COX19: variants seen among roughly 807,000 people sequenced by gnomAD.
COX19 encodes the protein cytochrome c oxidase assembly factor COX19, also known as cytochrome c oxidase assembly protein COX19.
Under a neutral mutation model 6.8 loss-of-function variants are expected in COX19, and 8 were observed. The observed-to-expected ratio is 1.18, with a 90% CI of 0.69 to 2.12. COX19 has a LOEUF of 2.12. Among genes scored for constraint, COX19 ranks in the 30% most tolerant of loss-of-function variants. COX19 has a pLI of 0.00. For synonymous variants in COX19, 51 were observed against 38.0 expected (o/e 1.34, Z -1.26); for missense variants, 131 against 104.6 (o/e 1.25, Z -1.10).
intron 2 of COX19, among the ~76,000 whole-genome samples, chr7:971,140 C>T (rs544515717): frequency 6.6e-6 from 1 of 152,342 alleles, no homozygotes; most frequent in African/African-American, 2.4e-5. Flanking sequence ...GGTGAGGCTG[C>T]TCCACCAGCG....
At chr7:975,305 C>A (rs1053416422) in intron 1 of COX19, 123 bp downstream of exon 1, 1 of 711,606 alleles carries the variant, frequency 1.4e-6, no homozygotes, top group Non-Finnish European at 2.2e-6. Context: ...GAGGGGCGGG[C>A]CGCCGTGCCT....
At position 969,179 on chromosome 7, in the gene COX19, G is replaced by T. The variant is rs951187512; in HGVS notation, c.*199C>A. On this transcript the variant is annotated 3_prime_UTR_variant, in exon 3 of 3. Transcript: ENST00000344111. ...GCCGGGAACGCCGTCCCACTCAGGG[G>T]TTCAATGCAGAAACACCCTCCTAAG... 1.0e-5 allele frequency: 6 copies of T among 579,872 alleles called. No individual in the cohort carries two copies. The highest frequency in any genetic ancestry group is 2.9e-5 in the Admixed American group (1 of 34,064). 35.9% of individuals were successfully genotyped at this position (579,872 alleles called of 1,614,324 possible). A position where few individuals can be genotyped will look rare whatever the true frequency, so the allele number is the denominator to read the frequency against.
At position 969,241 on chromosome 7, in the gene COX19, C is replaced by G. The variant is rs1293094980; in HGVS notation, c.*137G>C. On this transcript the variant is annotated 3_prime_UTR_variant, in exon 3 of 3. Coordinates refer to ENST00000344111, the MANE Select transcript of COX19 (RefSeq NM_001031617.3). ...CGCCACTCCCTACCCAGGAGACGCCCCCACAGGGCTGGAGCTTCTATTCGA... is the reference window on the plus strand; with the variant it reads ...CGCCACTCCCTACCCAGGAGACGCCGCCACAGGGCTGGAGCTTCTATTCGA... The G allele has an allele frequency of 4.5e-6, 3 of 671,070 alleles. No homozygotes were observed. The Admixed American group carries it at 7.1e-5, about 16-fold the overall frequency. The allele number at this position is 671,070 out of a possible 1,614,324, so 41.6% of individuals were successfully genotyped here. A position where few individuals can be genotyped will look rare whatever the true frequency, so the allele number is the denominator to read the frequency against.
At chr7:974,608 A>T (rs537558210) in intron 1 of COX19, among the ~76,000 whole-genome samples, 1 of 152,270 alleles carries the variant, frequency 6.6e-6, no homozygotes, top group African/African-American at 2.4e-5. Context: ...AAAATGTCAC[A>T]ATAAAATGTT....
rs187572636 is a variant in COX19, at chr7:966,186, G to A, written c.*3192C>T. 5 of 147,754 alleles carry A rather than the reference G, an allele frequency of 3.4e-5. No individual in the cohort carries two copies. Among genetic ancestry groups the A allele is most frequent in the East Asian group, 2.0e-4 (1 of 4,996 alleles). 9.2% of individuals were successfully genotyped at this position (147,754 alleles called of 1,614,324 possible). A position where few individuals can be genotyped will look rare whatever the true frequency, so the allele number is the denominator to read the frequency against. ...TTTTTCCTTTGGTGAGACAGGGTCC[G>A]GCTCTGTTGCTCAGGCTGGAGAGCA... is the stretch of plus-strand genomic sequence containing the variant. On this transcript the variant is annotated 3_prime_UTR_variant, in exon 3 of 3. Transcript: ENST00000344111.
In COX19 at chr7:967,161, TTC is replaced by T. The variant is rs1197909105; in HGVS notation, c.*2215_*2216del. On this transcript the variant is annotated 3_prime_UTR_variant, in exon 3 of 3. Coordinates refer to ENST00000344111, the MANE Select transcript of COX19 (RefSeq NM_001031617.3). ...ACATTTTGAAGAGGGAAGCACGAAG[TTC>T]TGTCAGTTTTGCTGTCACATCTCAG... 2.0e-5 allele frequency: 3 copies of T among 152,182 alleles called. No homozygotes were observed. The highest frequency in any genetic ancestry group is 2.9e-5 in the Non-Finnish European group (2 of 68,044). 9.4% of individuals were successfully genotyped at this position (152,182 alleles called of 1,614,324 possible).
intron 1 of COX19, among the ~76,000 whole-genome samples, chr7:974,316 A>G (rs1043131059): frequency 4.6e-5 from 7 of 151,348 alleles, no homozygotes; most frequent in African/African-American, 1.7e-4. Flanking sequence ...CAGCTACTCT[A>G]GAGGATGAGA....
At chr7:970,866 C>T (rs935584801) in intron 2 of COX19, among the ~76,000 whole-genome samples, 1 of 152,166 alleles carries the variant, frequency 6.6e-6, no homozygotes, top group African/African-American at 2.4e-5. Context: ...TGTGAGCCAC[C>T]ACTTCTTGCC....
rs972564217 is a variant in COX19, at chr7:968,011, C to A, written c.*1367G>T. 1 of 152,258 alleles carries A rather than the reference C, an allele frequency of 6.6e-6. No individual in the cohort carries two copies. The highest frequency in any genetic ancestry group is 2.4e-5 in the African/African-American group (1 of 41,472). 9.4% of individuals were successfully genotyped at this position (152,258 alleles called of 1,614,324 possible). On this transcript the variant is annotated 3_prime_UTR_variant, in exon 3 of 3. Transcript: ENST00000344111. Reference sequence around the variant, plus strand: ...TATTCTAATAAGAAACAAGACTTTCCATCAACTAGCGGTGATATGTTAATA... The same window carrying A: ...TATTCTAATAAGAAACAAGACTTTCAATCAACTAGCGGTGATATGTTAATA...
chr7:975,530 C>A lies in COX19; in HGVS notation c.-21G>T. On this transcript the variant is annotated 5_prime_UTR_variant, in exon 1 of 3. Coordinates refer to ENST00000344111, the MANE Select transcript of COX19 (RefSeq NM_001031617.3). Reference sequence around the variant, plus strand: ...GACATGTTGGCGACTCCGGAGTCTGCGAGCGCCTTGCGAGCGTACGCAGGG... The same window carrying A: ...GACATGTTGGCGACTCCGGAGTCTGAGAGCGCCTTGCGAGCGTACGCAGGG... 6.3e-7 allele frequency: 1 copy of A among 1,592,040 alleles called. No individual in the cohort carries two copies. Among genetic ancestry groups the A allele is most frequent in the Non-Finnish European group, 8.5e-7 (1 of 1,169,826 alleles).
rs1479177385 is a variant in COX19, at chr7:973,282, T to C, written c.93A>G (p.Lys31=). ...SFPLDHLGEC[K]SFKEKFMKCL... is the part of the protein sequence containing the mutation. ...ACTTCATGAATTTCTCTTTAAAGCT[T>C]TTACATTCACCTAGAACGAGAAAGA... is the stretch of plus-strand genomic sequence containing the variant. Residue 31 remains lysine (K), a synonymous_variant, in exon 2 of 3, where the codon AAA becomes AAG. Transcript: ENST00000344111. 9 of 1,592,872 alleles carry C rather than the reference T, an allele frequency of 5.7e-6. No homozygotes were observed. Among genetic ancestry groups the C allele is most frequent in the Non-Finnish European group, 7.7e-6 (9 of 1,171,558 alleles).
rs1847534483 is a variant in COX19 at position 965,268 on chromosome 7, G to C, written c.*4110C>G. Among the ~76,000 whole-genome samples, 1 of 152,018 alleles carries C rather than the reference G, an allele frequency of 6.6e-6. No individual in the cohort carries two copies. Among genetic ancestry groups the C allele is most frequent in the Non-Finnish European group, 1.5e-5 (1 of 68,002 alleles). On this transcript the variant is annotated 3_prime_UTR_variant, in exon 3 of 3. Transcript: ENST00000344111. ...TTTTCCTCATTTCAAAATAATTTCA[G>C]ACTTCCAAAAAGTTCCAAAAATAGG...
At position 969,293 on chromosome 7, in the gene COX19, A is replaced by G. The variant is rs1583202447; in HGVS notation, c.*85T>C. 1 of 843,618 alleles carries G rather than the reference A, an allele frequency of 1.2e-6. No individual in the cohort carries two copies. Among genetic ancestry groups the G allele is most frequent in the East Asian group, 2.4e-5 (1 of 41,320 alleles). 52.3% of individuals were successfully genotyped at this position (843,618 alleles called of 1,614,324 possible). Reference sequence around the variant, plus strand: ...GCCCATTTCTAAGGACACCACACGCAGGCCTCAGCCAACCTAAGAGGCAGG... The same window carrying G: ...GCCCATTTCTAAGGACACCACACGCGGGCCTCAGCCAACCTAAGAGGCAGG... On this transcript the variant is annotated 3_prime_UTR_variant, in exon 3 of 3. Transcript: ENST00000344111.
chr7:970,736 G>A (rs551518868), intron 2 of COX19, among the ~76,000 whole-genome samples: 4 of 152,072 alleles, frequency 2.6e-5, no homozygotes, highest in Non-Finnish European at 5.9e-5. Context: ...CACCCAGCCA[G>A]CTAATTTTTA....
chr7:971,082 C>T (rs1330262061), intron 2 of COX19, among the ~76,000 whole-genome samples: 1 of 152,176 alleles, frequency 6.6e-6, no homozygotes, highest in African/African-American at 2.4e-5. Context: ...CCAGGAGGCC[C>T]AGCCATCATC....
In COX19 at chr7:965,475, G is replaced by C. The variant is rs1486399689; in HGVS notation, c.*3903C>G. Among the ~76,000 whole-genome samples the C allele has an allele frequency of 6.6e-6, 1 of 152,222 alleles. No homozygotes were observed. Among genetic ancestry groups the C allele is most frequent in the Non-Finnish European group, 1.5e-5 (1 of 68,040 alleles). ...TACCGTGCCCTCAGGGACGCCCCCA[G>C]GTCGGTGCGGCCTGTGCGGCTCGCT... On this transcript the variant is annotated 3_prime_UTR_variant, in exon 3 of 3. Transcript: ENST00000344111.
chr7:967,160 G>A lies in COX19; in HGVS notation c.*2218C>T, dbSNP rs1343370045. The A allele has an allele frequency of 1.3e-5, 2 of 152,200 alleles. No homozygotes were observed. The highest frequency in any genetic ancestry group is 4.8e-5 in the African/African-American group (2 of 41,438). 9.4% of individuals were successfully genotyped at this position (152,200 alleles called of 1,614,324 possible). A position where few individuals can be genotyped will look rare whatever the true frequency, so the allele number is the denominator to read the frequency against. Reference sequence around the variant, plus strand: ...GACATTTTGAAGAGGGAAGCACGAAGTTCTGTCAGTTTTGCTGTCACATCT... The same window carrying A: ...GACATTTTGAAGAGGGAAGCACGAAATTCTGTCAGTTTTGCTGTCACATCT... On this transcript the variant is annotated 3_prime_UTR_variant, in exon 3 of 3. Coordinates refer to ENST00000344111, the MANE Select transcript of COX19 (RefSeq NM_001031617.3).
chr7:967,813 TCCA>T lies in COX19; in HGVS notation c.*1562_*1564del, dbSNP rs1847580467. The T allele has an allele frequency of 6.6e-6, 1 of 152,308 alleles. No homozygotes were observed. The highest frequency in any genetic ancestry group is 1.5e-5 in the Non-Finnish European group (1 of 68,072). 9.4% of individuals were successfully genotyped at this position (152,308 alleles called of 1,614,324 possible). ...GTAGTTTCCTGTGTCCCTGCCTGTC[TCCA>T]CTTCACAGTAAGCTCACGCCATATA... On this transcript the variant is annotated 3_prime_UTR_variant, in exon 3 of 3. Coordinates refer to ENST00000344111, the MANE Select transcript of COX19 (RefSeq NM_001031617.3).
At chr7:971,924 T>C (rs551334317) in intron 2 of COX19, among the ~76,000 whole-genome samples, 10 of 152,272 alleles carry the variant, frequency 6.6e-5, no homozygotes, top group Non-Finnish European at 1.3e-4. Context: ...ACACATGCCC[T>C]GAACATTTGC....
Sources: gnomAD v4.1 joint callset for allele counts (sites outside exome capture counted in the v4.1 genomes callset) on GRCh38, gnomAD v4.1.1 for gene constraint, MANE v1.5 for transcripts, NCBI Gene and HGNC (gene_info 2026-07-23, HGNC 2026-07-21) for gene names.